The following RALGPS2 variants were observed in gnomAD, a reference collection of about 807,000 sequenced individuals.
The protein encoded by RALGPS2 is Ral GEF with PH domain and SH3 binding motif 2.
In RALGPS2, 43 loss-of-function variants were observed where a neutral mutation model predicts 86.8. The observed-to-expected ratio is 0.50, with a 90% CI of 0.39 to 0.64. The LOEUF is 0.64. RALGPS2 is among the 30% of genes least tolerant of loss of function. The pLI is 0.00. For synonymous variants in RALGPS2, 243 were observed against 231.3 expected (o/e 1.05, Z -0.46); for missense variants, 536 against 694.6 (o/e 0.77, Z 2.57).
intron 8 of RALGPS2, among the ~76,000 whole-genome samples, chr1:178,854,416 A>G (rs1455198015): frequency 2.0e-5 from 3 of 152,172 alleles, no homozygotes; most frequent in Non-Finnish European, 2.9e-5. Context: ...CCTTTTGGAA[A>G]TTCTCAATGT....
chr1:178,892,774 TATTC>T (rs750833155), intron 15 of RALGPS2, among the ~76,000 whole-genome samples: 78 of 152,154 alleles, frequency 5.1e-4, no homozygotes, highest in Non-Finnish European at 1.0e-3. Flanking sequence ...TTTAAATTCA[TATTC>T]ATTCAGTTGT....
chr1:178,764,849 G>A (rs1187422609), intron 1 of RALGPS2, among the ~76,000 whole-genome samples: 1 of 152,142 alleles, frequency 6.6e-6, no homozygotes, highest in African/African-American at 2.4e-5. Context: ...CCAGTGTTGG[G>A]GGTGGGGCCT....
intron 4 of RALGPS2, among the ~76,000 whole-genome samples, chr1:178,795,399 TA>T (rs1462488996): frequency 6.6e-6 from 1 of 152,108 alleles, no homozygotes; most frequent in African/African-American, 2.4e-5. Flanking sequence ...TCTTATTAAT[TA>T]AAATATTTCT....
chr1:178,826,135 G>A (rs2102234242), intron 7 of RALGPS2, among the ~76,000 whole-genome samples: 1 of 152,232 alleles, frequency 6.6e-6, no homozygotes, highest in Middle Eastern at 3.4e-3. Flanking sequence ...CCGATAAAGG[G>A]AATGTACCAA....
At chr1:178,894,925 A>G (rs1444868986) in intron 16 of RALGPS2, among the ~76,000 whole-genome samples, 1 of 152,050 alleles carries the variant, frequency 6.6e-6, no homozygotes, top group Non-Finnish European at 1.5e-5. Flanking sequence ...TTTAGGTAAA[A>G]TAGAAAATAA....
rs752034302 is a variant in RALGPS2, at chr1:178,885,174, C to A, written c.1003C>A (p.Pro335Thr). 4.3e-6 allele frequency: 7 copies of A among 1,613,772 alleles called. No individual in the cohort carries two copies. Among genetic ancestry groups the A allele is most frequent in the Non-Finnish European group, 5.9e-6 (7 of 1,179,902 alleles). ...ACCGCCATCCCCTCGGAATCTGATT[C>A]CACATGGACATAGGAAGTGCCATAG... ...QTPPSPRNLI[P>T]HGHRKCHSLG... The change falls in exon 12 of 20, where the codon CCA (proline) becomes ACA (threonine). Residue 335 changes from proline to threonine, a missense_variant. Physicochemically the swap from Pro to Thr is conservative, Grantham distance 38. Coordinates refer to ENST00000367635, the MANE Select transcript of RALGPS2 (RefSeq NM_152663.5).
chr1:178,893,259 A>T (rs536548502), intron 15 of RALGPS2, among the ~76,000 whole-genome samples: 2,645 of 146,182 alleles, frequency 0.018, 68 homozygotes, highest in African/African-American at 0.062. Flanking sequence ...TTTTTTTTTT[A>T]AAAGATACAT....
intron 4 of RALGPS2, among the ~76,000 whole-genome samples, chr1:178,791,287 ATTTTTTT>A (rs563179993): frequency 3.9e-5 from 5 of 128,296 alleles, no homozygotes; most frequent in African/African-American, 5.8e-5. Context: ...CACCTGCCTA[ATTTTTTT>A]TTTTTTTTTT....
chr1:178,755,397 C>A (rs577997728), intron 1 of RALGPS2, among the ~76,000 whole-genome samples: 133 of 152,212 alleles, frequency 8.7e-4, no homozygotes, highest in Non-Finnish European at 1.4e-3. Context: ...TCCACAAATA[C>A]CCATTGATTA....
intron 4 of RALGPS2, among the ~76,000 whole-genome samples, chr1:178,795,179 CA>C (rs112878630): frequency 1.1e-3 from 137 of 121,956 alleles, no homozygotes; most frequent in East Asian, 1.2e-3. Context: ...GACTCTGTCT[CA>C]AAAAAAAAAA....
intron 8 of RALGPS2, among the ~76,000 whole-genome samples, chr1:178,838,311 C>G (rs1411006408): frequency 6.6e-6 from 1 of 152,204 alleles, no homozygotes; most frequent in African/African-American, 2.4e-5. Flanking sequence ...ATCTGGGTAG[C>G]CCTCTGAGAC....
chr1:178,775,278 A>G (rs1435610662), intron 1 of RALGPS2, among the ~76,000 whole-genome samples: 1 of 152,188 alleles, frequency 6.6e-6, no homozygotes, highest in African/African-American at 2.4e-5. Flanking sequence ...CACAGAGGTA[A>G]TGTGGTTCCA....
chr1:178,860,972 A>G lies in RALGPS2; in HGVS notation c.608-16526A>G, dbSNP rs140464843. ...ATTGTGTAAGGAAAATAGCCAGCCT[A>G]TTTGTTGTTGCTTGTAGTAATTTAA... On this transcript the variant is annotated intron_variant, in intron 8 of 19. Transcript: ENST00000367635. 6.1e-3 allele frequency among the ~76,000 whole-genome samples: 926 copies of G among 152,294 alleles called. 10 individuals are homozygous for G. The highest frequency in any genetic ancestry group is 0.021 in the African/African-American group (884 of 41,558).
intron 8 of RALGPS2, 71 bp from the exon 9 acceptor site, chr1:178,877,427 C>T: frequency 1.9e-6 from 3 of 1,586,834 alleles, no homozygotes; most frequent in Admixed American, 1.8e-5. Context: ...ACAACCCCTT[C>T]CCCCCTTTTC....
intron 8 of RALGPS2, among the ~76,000 whole-genome samples, chr1:178,844,028 T>G (rs989880045): frequency 6.6e-6 from 1 of 152,172 alleles, no homozygotes; most frequent in Admixed American, 6.5e-5. Context: ...TCTATTCATG[T>G]GAAGGGAGGC....
At chr1:178,806,129 A>T (rs1311573528) in intron 4 of RALGPS2, among the ~76,000 whole-genome samples, 2 of 151,798 alleles carry the variant, frequency 1.3e-5, no homozygotes, top group South Asian at 2.1e-4. Flanking sequence ...CCTGGGTCTC[A>T]TATCTTCCTT....
At chr1:178,759,149 C>T (rs536901845) in intron 1 of RALGPS2, among the ~76,000 whole-genome samples, 2 of 152,130 alleles carry the variant, frequency 1.3e-5, no homozygotes, top group African/African-American at 4.8e-5. Context: ...TTCTCCCAGA[C>T]CAATGCTCTG....
chr1:178,756,179 C>T (rs1262384442), intron 1 of RALGPS2, among the ~76,000 whole-genome samples: 1 of 152,064 alleles, frequency 6.6e-6, no homozygotes, highest in African/African-American at 2.4e-5. Context: ...TCCCACTTGT[C>T]AATTTTTGTT....
chr1:178,730,828 A>G (rs1558091879), intron 1 of RALGPS2, among the ~76,000 whole-genome samples: 1 of 151,930 alleles, frequency 6.6e-6, no homozygotes, highest in East Asian at 1.9e-4. Flanking sequence ...CAGCCTCCCA[A>G]GTAGCTGGGA....
Sources: allele counts gnomAD v4.1 joint callset (sites outside exome capture counted in the v4.1 genomes callset), GRCh38; gene constraint gnomAD v4.1.1; transcripts MANE v1.5; gene names NCBI Gene and HGNC (gene_info 2026-07-23, HGNC 2026-07-21).